Variants in IPCEF1 observed in about 807,000 individuals in gnomAD.
IPCEF1 encodes interaction protein for cytohesin exchange factors 1, also known as interactor protein for cytohesin exchange factors 1.
A neutral mutation model predicts 50.9 loss-of-function variants in IPCEF1; 31 were observed. The ratio of observed to expected loss-of-function variants is 0.61; its 90% CI spans 0.46 to 0.82. IPCEF1 has a LOEUF of 0.82. IPCEF1 is among the 40% of genes least tolerant of loss of function. The pLI is 0.00. For missense variants in IPCEF1, 458 were observed against 514.0 expected (o/e 0.89, Z 1.05); for synonymous variants, 181 against 192.0 (o/e 0.94, Z 0.47).
chr6:154,302,853 T>C (rs979910604), intron 1 of IPCEF1, among the ~76,000 whole-genome samples: 2 of 152,166 alleles, frequency 1.3e-5, no homozygotes. Flanking sequence ...GACATAATTT[T>C]CATGAATTTA....
Position 154,159,647 on chromosome 6 carries a change from C to G in IPCEF1, c.*181G>C, listed in dbSNP as rs1798854244. On this transcript the variant is annotated 3_prime_UTR_variant, in exon 12 of 12. Transcript: ENST00000367220. ...TCCAATCTCAATGGATGCGTTACGACTGAAATGAGGAGCCCTGGTGTATTC... is the reference window on the plus strand; with the variant it reads ...TCCAATCTCAATGGATGCGTTACGAGTGAAATGAGGAGCCCTGGTGTATTC... 1.6e-6 allele frequency: 1 copy of G among 608,752 alleles called. No homozygotes were observed. The highest frequency in any genetic ancestry group is 3.3e-5 in the Admixed American group (1 of 30,380). The allele number at this position is 608,752 out of a possible 1,614,324, so 37.7% of individuals were successfully genotyped here. A position where few individuals can be genotyped will look rare whatever the true frequency, so the allele number is the denominator to read the frequency against.
At position 154,168,098 on chromosome 6, in the gene IPCEF1, G is replaced by A. The variant is rs1799576067; in HGVS notation, c.926C>T (p.Ser309Phe). The change falls in exon 11 of 12, where the codon TCT (serine) becomes TTT (phenylalanine). Residue 309 changes from serine to phenylalanine, a missense_variant. Ser to Phe is a radical substitution (Grantham distance 155, BLOSUM62 -2). Coordinates refer to ENST00000367220, the MANE Select transcript of IPCEF1 (RefSeq NM_001130700.2). The surrounding 1 kb of genome is among the most constrained non-coding windows in gnomAD (Gnocchi z 4.1). ...KIMDKEETKV[S>F]EDDEMEKLYK... Reference sequence around the variant, plus strand: ...CAGCTTCTCCATTTCATCATCTTCAGACACTTTTGTCTCTTCTATTTGAAA... The same window carrying A: ...CAGCTTCTCCATTTCATCATCTTCAAACACTTTTGTCTCTTCTATTTGAAA... The A allele has an allele frequency of 6.5e-7, 1 of 1,548,762 alleles. No individual in the cohort carries two copies. The highest frequency in any genetic ancestry group is 8.8e-7 in the Non-Finnish European group (1 of 1,139,080).
At chr6:154,342,553 C>T (rs1397179092) in intron 1 of IPCEF1, among the ~76,000 whole-genome samples, 1 of 152,128 alleles carries the variant, frequency 6.6e-6, no homozygotes, top group African/African-American at 2.4e-5. Context: ...TCCTGAGTAG[C>T]TGGGATCACA....
chr6:154,214,787 C>G (rs1778252620), intron 7 of IPCEF1, among the ~76,000 whole-genome samples: 1 of 152,052 alleles, frequency 6.6e-6, no homozygotes, highest in South Asian at 2.1e-4. Flanking sequence ...TAAACTAGAA[C>G]AAATTTTAAT....
intron 3 of IPCEF1, among the ~76,000 whole-genome samples, chr6:154,253,775 T>C (rs1004858876): frequency 6.6e-6 from 1 of 152,192 alleles, no homozygotes; most frequent in African/African-American, 2.4e-5. Flanking sequence ...ACCAGGAATA[T>C]GTTTTAGTCT....
intron 10 of IPCEF1, among the ~76,000 whole-genome samples, chr6:154,178,508 T>A (rs1170785440): frequency 2.0e-5 from 3 of 152,168 alleles, no homozygotes; most frequent in African/African-American, 7.2e-5. Flanking sequence ...TTCCTCCCCC[T>A]CTTCCATTTC....
At chr6:154,242,188 T>A (rs956066531) in intron 5 of IPCEF1, among the ~76,000 whole-genome samples, 1 of 152,180 alleles carries the variant, frequency 6.6e-6, no homozygotes, top group African/African-American at 2.4e-5. Flanking sequence ...ATCTCCCACC[T>A]CTACTTCTCA....
intron 11 of IPCEF1, among the ~76,000 whole-genome samples, chr6:154,166,352 G>A (rs530475537): frequency 6.6e-6 from 1 of 152,310 alleles, no homozygotes; most frequent in South Asian, 2.1e-4. Flanking sequence ...CTCTGTGGAA[G>A]GCCTGAGGCC....
At chr6:154,325,452 C>A (rs1029285135) in intron 1 of IPCEF1, among the ~76,000 whole-genome samples, 2 of 152,196 alleles carry the variant, frequency 1.3e-5, no homozygotes, top group Non-Finnish European at 2.9e-5. Flanking sequence ...GAGTAGACAT[C>A]ACTTCCCACC....
intron 10 of IPCEF1, among the ~76,000 whole-genome samples, chr6:154,175,342 T>C (rs1244867998): frequency 1.4e-5 from 2 of 145,802 alleles, no homozygotes; most frequent in African/African-American, 5.0e-5. Flanking sequence ...CTGAAGGAGG[T>C]AGAGACACAA....
chr6:154,241,063 C>T (rs968922788), intron 5 of IPCEF1, among the ~76,000 whole-genome samples: 1 of 151,932 alleles, frequency 6.6e-6, no homozygotes, highest in Non-Finnish European at 1.5e-5. Flanking sequence ...TGGTGAAACC[C>T]CGTCTCTACT....
chr6:154,185,379 C>A (rs1801247124), intron 10 of IPCEF1, among the ~76,000 whole-genome samples: 1 of 152,162 alleles, frequency 6.6e-6, no homozygotes, highest in South Asian at 2.1e-4. Flanking sequence ...ATATTTCTAA[C>A]AGGTACTTTG....
At chr6:154,205,343 T>A (rs905530428) in intron 9 of IPCEF1, among the ~76,000 whole-genome samples, 3 of 152,108 alleles carry the variant, frequency 2.0e-5, no homozygotes, top group African/African-American at 7.2e-5. Context: ...GCCTGTAATC[T>A]CAGCACTTTG....
At chr6:154,305,483 C>G (rs1378430877) in intron 1 of IPCEF1, among the ~76,000 whole-genome samples, 1 of 152,216 alleles carries the variant, frequency 6.6e-6, no homozygotes, top group Non-Finnish European at 1.5e-5. Flanking sequence ...CCAGAATAAT[C>G]TTTCACAAAA....
At chr6:154,234,658 TG>T (rs1293314027) in intron 5 of IPCEF1, among the ~76,000 whole-genome samples, 2 of 152,222 alleles carry the variant, frequency 1.3e-5, no homozygotes, top group Admixed American at 6.5e-5. Flanking sequence ...TTCTATGCTT[TG>T]TAAGTCACCT....
At chr6:154,262,842 T>G (rs1234239652) in intron 3 of IPCEF1, among the ~76,000 whole-genome samples, 1 of 142,186 alleles carries the variant, frequency 7.0e-6, no homozygotes, top group Non-Finnish European at 1.5e-5. Context: ...AGTGATGCAA[T>G]CTCAGCTCCC....
intron 9 of IPCEF1, among the ~76,000 whole-genome samples, chr6:154,201,328 A>T (rs890333405): frequency 6.6e-6 from 1 of 152,168 alleles, no homozygotes; most frequent in Non-Finnish European, 1.5e-5. Context: ...CCTTCTTTTT[A>T]AAAAATGGTG....
intron 1 of IPCEF1, among the ~76,000 whole-genome samples, chr6:154,299,216 C>T (rs1300708086): frequency 1.4e-5 from 2 of 140,834 alleles, no homozygotes; most frequent in African/African-American, 5.1e-5. Flanking sequence ...CTACTCCATG[C>T]CCAACAATAA....
chr6:154,165,229 T>C (rs1799330568), intron 11 of IPCEF1, among the ~76,000 whole-genome samples: 1 of 152,098 alleles, frequency 6.6e-6, no homozygotes, highest in South Asian at 2.1e-4. Context: ...TCCATACCAC[T>C]ACTACCAGGG....
Sources: allele counts gnomAD v4.1 joint callset (sites outside exome capture counted in the v4.1 genomes callset), GRCh38; gene constraint gnomAD v4.1.1; non-coding constraint Gnocchi (gnomAD v3.1); transcripts MANE v1.5; gene names NCBI Gene and HGNC (gene_info 2026-07-23, HGNC 2026-07-21).